The following DUT variants were observed in gnomAD, a reference collection of about 807,000 sequenced individuals.
DUT encodes the protein deoxyuridine triphosphatase, also known as deoxyuridine 5'-triphosphate nucleotidohydrolase, mitochondrial.
DUT carries 21 observed loss-of-function variants against 28.8 expected under a neutral mutation model. The observed-to-expected ratio is 0.73, with a 90% CI of 0.52 to 1.05. DUT has a LOEUF of 1.05. Among genes scored for constraint, DUT ranks in the 50% least tolerant of loss-of-function variants. DUT has a pLI of 0.00. For synonymous variants in DUT, 147 were observed against 143.7 expected (o/e 1.02, Z -0.17); for missense variants, 344 against 351.8 (o/e 0.98, Z 0.18).
At position 48,341,528 on chromosome 15, in the gene DUT, T is replaced by C. The variant is rs1430015363; in HGVS notation, c.645T>C (p.Asp215=). Residue 215 remains aspartate, a synonymous_variant, in exon 6 of 7, where the codon GAT becomes GAC. Transcript: ENST00000331200. ...CTTTCTTTGAAGTCAAAAAAGGTGA[T>C]CGAATTGCACAGCTCATTTGCGAAC... ...GKEKFEVKKG[D]RIAQLICERI... 6.2e-7 allele frequency: 1 copy of C among 1,612,934 alleles called. No homozygotes were observed. Among genetic ancestry groups the C allele is most frequent in the Non-Finnish European group, 8.5e-7 (1 of 1,179,444 alleles).
chr15:48,332,830 C>A (rs1048542902), intron 2 of DUT: 2 of 455,794 alleles, frequency 4.4e-6, no homozygotes, highest in South Asian at 3.1e-5. Context: ...TTCATCCGGC[C>A]CAGGGCGGAA....
chr15:48,333,162 AC>A (rs1202216016), intron 2 of DUT, among the ~76,000 whole-genome samples: 14 of 152,210 alleles, frequency 9.2e-5, no homozygotes, highest in Admixed American at 9.2e-4. Context: ...GAGATTTTAT[AC>A]TAAATCCCAA....
rs758927696 is a variant in DUT, at chr15:48,331,671, G to C, written c.156G>C (p.Gly52=). 5.2e-6 allele frequency: 8 copies of C among 1,534,120 alleles called. No individual in the cohort carries two copies. The South Asian group carries it at 9.7e-5, about 19-fold the overall frequency. The change falls in exon 1 of 7, where the codon GGG becomes GGC. Residue 52 remains glycine (G), a synonymous_variant. Coordinates refer to ENST00000331200, the MANE Select transcript of DUT (RefSeq NM_001025248.2). The part of the protein sequence containing the change: ...GPPLGRAAQH[G]IPRPLSSAGR... ...CCCTCGGCCGCGCCGCGCAGCACGGGATTCCCCGGCCGCTGTCCAGCGCTG... is the reference window on the plus strand; with the variant it reads ...CCCTCGGCCGCGCCGCGCAGCACGGCATTCCCCGGCCGCTGTCCAGCGCTG...
chr15:48,337,527 A>T (rs28381124), intron 4 of DUT, among the ~76,000 whole-genome samples: 1,848 of 152,330 alleles, frequency 0.012, 38 homozygotes, highest in African/African-American at 0.035. Flanking sequence ...GAAATACCTA[A>T]TATAGTACTT....
chr15:48,331,830 G>T, intron 1 of DUT, 35 bp downstream of exon 1: 1 of 1,177,850 alleles, frequency 8.5e-7, no homozygotes, highest in South Asian at 1.9e-5. Flanking sequence ...CGGCCGTCTG[G>T]AAGGAATCCA....
intron 4 of DUT, among the ~76,000 whole-genome samples, chr15:48,336,901 G>C (rs2042482204): frequency 6.6e-6 from 1 of 152,172 alleles, no homozygotes; most frequent in African/African-American, 2.4e-5. Context: ...GTAAAAACTG[G>C]AGTCTCTGTG....
chr15:48,334,482 T>C lies in DUT; in HGVS notation c.485T>C (p.Leu162Pro). ...AVVKTDIQIALPSGCYGRVAP... is the reference protein window; with the variant it reads ...AVVKTDIQIAPPSGCYGRVAP... ...GTGAAAACGGACATTCAGATAGCGCTCCCTTCTGGGTGTTATGGAAGAGTG... is the reference window on the plus strand; with the variant it reads ...GTGAAAACGGACATTCAGATAGCGCCCCCTTCTGGGTGTTATGGAAGAGTG... The change falls in exon 3 of 7, where the codon CTC (leucine) becomes CCC (proline). Residue 162 changes from leucine to proline, a missense_variant. By Grantham distance (98) the Leu-to-Pro change is moderately conservative. Coordinates refer to ENST00000331200, the MANE Select transcript of DUT (RefSeq NM_001025248.2). 1 of 1,611,762 alleles carries C rather than the reference T, an allele frequency of 6.2e-7. No individual in the cohort carries two copies. Among genetic ancestry groups the C allele is most frequent in the Non-Finnish European group, 8.5e-7 (1 of 1,178,452 alleles).
In DUT at chr15:48,334,465, G is replaced by C; in HGVS notation, c.468G>C (p.Thr156=). 1 of 1,611,572 alleles carries C rather than the reference G, an allele frequency of 6.2e-7. No individual in the cohort carries two copies. Among genetic ancestry groups the C allele is most frequent in the Non-Finnish European group, 8.5e-7 (1 of 1,178,464 alleles). ...IPPMEKAVVK[T]DIQIALPSGC... is the part of the protein sequence containing the mutation. ...CTATGGAGAAAGCTGTTGTGAAAAC[G>C]GACATTCAGATAGCGCTCCCTTCTG... Residue 156 remains threonine (T), a synonymous_variant, in exon 3 of 7, where the codon ACG becomes ACC. Coordinates refer to ENST00000331200, the MANE Select transcript of DUT (RefSeq NM_001025248.2).
In DUT at chr15:48,342,730, AT is replaced by A. The variant is rs1189449394; in HGVS notation, c.*653del. 6.6e-6 allele frequency: 1 copy of A among 152,200 alleles called. No homozygotes were observed. Among genetic ancestry groups the A allele is most frequent in the Non-Finnish European group, 1.5e-5 (1 of 68,018 alleles). 9.4% of individuals were successfully genotyped at this position (152,200 alleles called of 1,614,324 possible). On this transcript the variant is annotated 3_prime_UTR_variant, in exon 7 of 7. Transcript: ENST00000331200. The stretch of plus-strand genomic sequence containing the variant: ...GGGTAGAGGTATGTTTGTGAAAGAC[AT>A]GTAACTTGGGGATTTGTTACTTTAG...
Position 48,334,500 on chromosome 15 carries a change from G to T in DUT, c.503G>T (p.Gly168Val), listed in dbSNP as rs753882201. 1 of 1,608,152 alleles carries T rather than the reference G, an allele frequency of 6.2e-7. No homozygotes were observed. The highest frequency in any genetic ancestry group is 8.5e-7 in the Non-Finnish European group (1 of 1,175,664). ...ATAGCGCTCCCTTCTGGGTGTTATG[G>T]AAGAGTGGGTAAGTCATTTAAGAAA... ...IQIALPSGCY[G>V]RVAPRSGLAA... Residue 168 changes from glycine to valine, a missense_variant, in exon 3 of 7, where the codon GGA (glycine) becomes GTA (valine). By Grantham distance (109) the Gly-to-Val change is moderately radical. Transcript: ENST00000331200.
rs2042447946 is a variant in DUT, at chr15:48,334,023, A to AT, written c.420-387dup. On this transcript the variant is annotated intron_variant, in intron 2 of 6. Transcript: ENST00000331200. ...GGCCTTTTTTCTTTGTTCTTTCTTC[A>AT]TTTTTTTCCTTTTCAAACTATGGTT... Among the ~76,000 whole-genome samples the AT allele has an allele frequency of 2.6e-5, 4 of 151,976 alleles. No homozygotes were observed. In the South Asian group the frequency reaches 8.3e-4, roughly 32 times the overall value.
intron 4 of DUT, among the ~76,000 whole-genome samples, chr15:48,338,192 CA>C (rs74384057): frequency 2.1e-4 from 30 of 140,334 alleles, no homozygotes; most frequent in African/African-American, 2.6e-4. Context: ...AACATTCATG[CA>C]AAAAAAAAAA....
chr15:48,331,940 G>A lies in DUT; in HGVS notation c.280+145G>A. On this transcript the variant is annotated intron_variant, in intron 1 of 6. Coordinates refer to ENST00000331200, the MANE Select transcript of DUT (RefSeq NM_001025248.2). The stretch of plus-strand genomic sequence containing the variant: ...GTCCATTAGGGTCCCCTGGCGAGGG[G>A]GCGGCTTTCTAGTGTGTGAGGGCGA... The A allele has an allele frequency of 6.4e-6, 6 of 938,952 alleles. No individual in the cohort carries two copies. In the South Asian group the frequency reaches 1.1e-4, roughly 18 times the overall value. The allele number at this position is 938,952 out of a possible 1,614,324, so 58.2% of individuals were successfully genotyped here.
At chr15:48,334,325 CTG>C (rs562861877) in intron 2 of DUT, 90 bp from the exon 3 acceptor site, 27 of 789,010 alleles carry the variant, frequency 3.4e-5, no homozygotes, top group Non-Finnish European at 5.0e-5. Flanking sequence ...ATTAAATACA[CTG>C]AAAGTAATTT....
chr15:48,331,437 G>C lies in DUT; in HGVS notation c.-79G>C, dbSNP rs1003128350. 2.5e-6 allele frequency: 4 copies of C among 1,578,494 alleles called. No homozygotes were observed. The Admixed American group carries it at 5.4e-5, about 21-fold the overall frequency. On this transcript the variant is annotated 5_prime_UTR_variant, in exon 1 of 7. Coordinates refer to ENST00000331200, the MANE Select transcript of DUT (RefSeq NM_001025248.2). ...ACTGCTTCCGAGGTCATGTTCCCAG[G>C]ACGGGCGCGTCTTCAGGGTGGAAGC...
chr15:48,332,069 T>G, intron 1 of DUT, 199 bp from the exon 2 acceptor site: 1 of 1,262,514 alleles, frequency 7.9e-7, no homozygotes, highest in Non-Finnish European at 1.0e-6. Context: ...GAGAAGGGCT[T>G]CAAACCCAAA....
intron 2 of DUT, among the ~76,000 whole-genome samples, chr15:48,333,563 C>T (rs1044400650): frequency 9.9e-5 from 15 of 152,200 alleles, no homozygotes; most frequent in African/African-American, 3.1e-4. Context: ...AGGGGTAGTA[C>T]TGCTTTACCA....
At position 48,331,469 on chromosome 15, in the gene DUT, C is replaced by G; in HGVS notation, c.-47C>G. The G allele has an allele frequency of 6.2e-7, 1 of 1,604,766 alleles. No homozygotes were observed. The highest frequency in any genetic ancestry group is 1.1e-5 in the South Asian group (1 of 89,766). ...GCGTCTTCAGGGTGGAAGCCTGGCG[C>G]ACGTCCGGAGGTGCCGAGGACCCAA... On this transcript the variant is annotated 5_prime_UTR_variant, in exon 1 of 7. Coordinates refer to ENST00000331200, the MANE Select transcript of DUT (RefSeq NM_001025248.2).
chr15:48,341,140 G>A (rs942452341), intron 4 of DUT, 149 bp from the exon 5 acceptor site: 8 of 503,328 alleles, frequency 1.6e-5, no homozygotes, highest in African/African-American at 1.6e-4. Context: ...TCTTGGTTTT[G>A]AGGCTTTACA....
Sources: allele counts gnomAD v4.1 joint callset (sites outside exome capture counted in the v4.1 genomes callset), GRCh38; gene constraint gnomAD v4.1.1; transcripts MANE v1.5; gene names NCBI Gene and HGNC (gene_info 2026-07-23, HGNC 2026-07-21).